Variants in PVT1 observed in about 807,000 individuals in gnomAD.
PVT1 encodes the protein CXCR4/PVT1 fusion.
chr8:127,796,379 C>G (rs1814396639), intron 2 of PVT1, among the ~76,000 whole-genome samples: 1 of 152,150 alleles, frequency 6.6e-6, no homozygotes, highest in Non-Finnish European at 1.5e-5. Flanking sequence ...CCCCTCTGTT[C>G]TGACATATCT....
intron 4 of PVT1, among the ~76,000 whole-genome samples, chr8:128,029,195 T>C (rs1003120507): frequency 3.9e-5 from 6 of 152,082 alleles, no homozygotes; most frequent in Admixed American, 1.3e-4. Context: ...CTATCACTGC[T>C]TACTGCAGCC....
chr8:127,877,549 G>A (rs994435298), intron 2 of PVT1, among the ~76,000 whole-genome samples: 5 of 152,058 alleles, frequency 3.3e-5, no homozygotes, highest in African/African-American at 1.2e-4. Context: ...CTGATCTCTC[G>A]TGGAGCTTCC....
intron 4 of PVT1, among the ~76,000 whole-genome samples, chr8:127,999,963 C>G (rs1323737263): frequency 6.6e-6 from 1 of 152,176 alleles, no homozygotes; most frequent in Non-Finnish European, 1.5e-5. Flanking sequence ...CGAAATGTGT[C>G]CTGCCTAGAT....
intron 2 of PVT1, among the ~76,000 whole-genome samples, chr8:127,883,547 A>G (rs996051965): frequency 6.6e-6 from 1 of 152,218 alleles, no homozygotes; most frequent in African/African-American, 2.4e-5. Context: ...GGTGTAGCAC[A>G]CAAGCATGGC....
chr8:127,957,553 C>T (rs530354641), intron 3 of PVT1, among the ~76,000 whole-genome samples: 72 of 125,718 alleles, frequency 5.7e-4, no homozygotes, highest in African/African-American at 2.1e-3. Context: ...GGTGACAGAG[C>T]GAGACTCCGT....
chr8:127,984,851 T>TTCTC (rs1491339099), intron 3 of PVT1, among the ~76,000 whole-genome samples: 6 of 30,222 alleles, frequency 2.0e-4, no homozygotes, highest in East Asian at 7.7e-4. Flanking sequence ...CTTTCTTTCT[T>TTCTC]TCTTTCTTTC....
At chr8:128,049,983 G>A (rs1358026308) in intron 4 of PVT1, among the ~76,000 whole-genome samples, 1 of 152,188 alleles carries the variant, frequency 6.6e-6, no homozygotes, top group Non-Finnish European at 1.5e-5. Context: ...AAGGGCTTCA[G>A]GGTGGGCAAG....
At chr8:127,958,221 T>C (rs1040575223) in intron 3 of PVT1, among the ~76,000 whole-genome samples, 1 of 152,062 alleles carries the variant, frequency 6.6e-6, no homozygotes, top group Non-Finnish European at 1.5e-5. Context: ...TTTTCTCTTC[T>C]TTTTTTGTTT....
chr8:127,873,647 G>T (rs1298354056), intron 2 of PVT1, among the ~76,000 whole-genome samples: 1 of 152,170 alleles, frequency 6.6e-6, no homozygotes, highest in Non-Finnish European at 1.5e-5. Flanking sequence ...GTGAAACTTA[G>T]GAATGTTAAA....
rs1451393445 is a variant in PVT1 at position 127,960,945 on chromosome 8, G to C, written n.783-28217G>C. On this transcript the variant is annotated intron_variant and non_coding_transcript_variant, in intron 3 of 10. Coordinates refer to ENST00000651587, the Ensembl canonical transcript of PVT1. The stretch of plus-strand genomic sequence containing the variant: ...TCTCTTGTGTGTGTGTTTGGGGGTG[G>C]GGGGGGCGGGCGGGCACGAATAGGG... Among the ~76,000 whole-genome samples, 1,185 of 130,832 alleles carry C rather than the reference G, an allele frequency of 9.1e-3. 24 individuals are homozygous for C. The highest frequency in any genetic ancestry group is 0.036 in the African/African-American group (1,120 of 31,482). The allele number at this position is 130,832 out of a possible 152,430, so 85.8% of individuals were successfully genotyped here. A position where few individuals can be genotyped will look rare whatever the true frequency, so the allele number is the denominator to read the frequency against.
chr8:128,028,021 C>G (rs1298675903), intron 4 of PVT1, among the ~76,000 whole-genome samples: 1 of 152,252 alleles, frequency 6.6e-6, no homozygotes, highest in Non-Finnish European at 1.5e-5. Flanking sequence ...CCAGTCCTCC[C>G]ACTGCTGTCT....
chr8:128,031,999 C>T (rs971374587), intron 4 of PVT1, among the ~76,000 whole-genome samples: 4 of 152,178 alleles, frequency 2.6e-5, no homozygotes, highest in Non-Finnish European at 4.4e-5. Context: ...ACGATGACAG[C>T]GATGGCGGTG....
At chr8:127,926,332 G>T (rs563423804) in intron 3 of PVT1, among the ~76,000 whole-genome samples, 1 of 152,282 alleles carries the variant, frequency 6.6e-6, no homozygotes, top group South Asian at 2.1e-4. Context: ...TTGAAGGGCT[G>T]CCCCAGGTCC....
chr8:128,049,229 G>A (rs1813656608), intron 4 of PVT1: 1 of 529,652 alleles, frequency 1.9e-6, no homozygotes. Context: ...TCTTAAGACA[G>A]CACTTCTGTT....
intron 3 of PVT1, among the ~76,000 whole-genome samples, chr8:127,897,713 G>A (rs1349259424): frequency 6.9e-6 from 1 of 144,086 alleles, no homozygotes; most frequent in Non-Finnish European, 1.5e-5. Flanking sequence ...AGGAAGGAGG[G>A]GAAGAAGGAA....
rs559017798 is a variant in PVT1 at position 127,954,674 on chromosome 8, G to A, written n.783-34488G>A. Among the ~76,000 whole-genome samples the A allele has an allele frequency of 4.6e-5, 7 of 152,294 alleles. No individual in the cohort carries two copies. The South Asian group carries it at 1.5e-3, about 32-fold the overall frequency. ...GGTGGGAGTTGCCTGCCTTGAGCAG[G>A]TGAACAAACTGAGGCCCAGGGAGTG... On this transcript the variant is annotated intron_variant and non_coding_transcript_variant, in intron 3 of 10. Transcript: ENST00000651587.
intron 3 of PVT1, among the ~76,000 whole-genome samples, chr8:127,908,644 G>A (rs1815853135): frequency 6.6e-6 from 1 of 152,100 alleles, no homozygotes; most frequent in Non-Finnish European, 1.5e-5. Flanking sequence ...CCAGCCTCCT[G>A]TTCAGTTTCT....
At chr8:127,936,011 AAC>A (rs1352710646) in intron 3 of PVT1, among the ~76,000 whole-genome samples, 14 of 150,110 alleles carry the variant, frequency 9.3e-5, no homozygotes, top group Admixed American at 9.3e-4. Flanking sequence ...GAGTTGGACA[AAC>A]AGTGTCTTCT....
intron 3 of PVT1, among the ~76,000 whole-genome samples, chr8:127,908,638 C>G (rs1167511405): frequency 1.3e-5 from 2 of 152,194 alleles, no homozygotes; most frequent in Non-Finnish European, 2.9e-5. Flanking sequence ...CCACATCCAG[C>G]CTCCTGTTCA....
Sources: gnomAD v4.1 joint callset for allele counts (sites outside exome capture counted in the v4.1 genomes callset) on GRCh38, gnomAD v4.1.1 for gene constraint, MANE v1.5 for transcripts, NCBI Gene and HGNC (gene_info 2026-07-23, HGNC 2026-07-21) for gene names.